RFX3: variants seen among roughly 807,000 people sequenced by gnomAD.
The protein encoded by RFX3 is transcription factor RFX3.
RFX3 carries 14 observed loss-of-function variants against 98.6 expected under a neutral mutation model. The observed-to-expected ratio is 0.14, with a 90% confidence interval of 0.09 to 0.22. The LOEUF is 0.22. RFX3 is among the 10% of genes least tolerant of loss of function. The pLI, the probability that RFX3 is intolerant of heterozygous loss-of-function variation, is 1.00. For synonymous variants in RFX3, 383 were observed against 328.4 expected, an observed-to-expected ratio of 1.17 and a Z score of -1.80; for missense variants, 639 against 926.9, an observed-to-expected ratio of 0.69 and a Z score of 4.03.
intron 3 of RFX3, among the ~76,000 whole-genome samples, chr9:3,344,414 C>G (rs1834214553): frequency 6.6e-6 from 1 of 152,090 alleles, no homozygotes; most frequent in Non-Finnish European, 1.5e-5. Context: ...TGAGTACTTC[C>G]CTTGAGCATT....
At chr9:3,270,174 G>A (rs1824245262) in intron 11 of RFX3, among the ~76,000 whole-genome samples, 197 bp downstream of exon 11, 1 of 150,838 alleles carries the variant, frequency 6.6e-6, no homozygotes, top group Non-Finnish European at 1.5e-5. Flanking sequence ...AAGAAAGACT[G>A]AAAAATAGAT....
chr9:3,417,657 TAAATTTGGGTGAAG>T (rs1843095797), intron 1 of RFX3, among the ~76,000 whole-genome samples: 2 of 152,150 alleles, frequency 1.3e-5, no homozygotes, highest in South Asian at 4.1e-4. Context: ...ACCCCCTCAA[TAAATTTGGGTGAAG>T]AACAAAAGAA....
At chr9:3,421,236 C>G (rs1335921493) in intron 1 of RFX3, among the ~76,000 whole-genome samples, 1 of 152,242 alleles carries the variant, frequency 6.6e-6, no homozygotes, top group South Asian at 2.1e-4. Context: ...ACAGTACGTT[C>G]TGAACTCAAA....
chr9:3,253,013 G>A (rs981451431), intron 14 of RFX3, among the ~76,000 whole-genome samples: 1 of 152,160 alleles, frequency 6.6e-6, no homozygotes, highest in Non-Finnish European at 1.5e-5. Context: ...CCTATTGTCC[G>A]ATTCAGACTT....
chr9:3,270,981 T>G, intron 10 of RFX3, 22 bp downstream of exon 10: 1 of 1,613,624 alleles, frequency 6.2e-7, no homozygotes, highest in South Asian at 1.1e-5. Context: ...GAAAATGAAT[T>G]GGAAAAGATG....
At chr9:3,403,958 T>C (rs1036960587) in intron 1 of RFX3, among the ~76,000 whole-genome samples, 1 of 152,184 alleles carries the variant, frequency 6.6e-6, no homozygotes, top group Admixed American at 6.6e-5. Context: ...AATTTTTTTC[T>C]CTCATCTCTT....
chr9:3,399,232 C>T (rs998837257), intron 1 of RFX3, among the ~76,000 whole-genome samples: 11 of 145,470 alleles, frequency 7.6e-5, no homozygotes, highest in African/African-American at 2.8e-4. Flanking sequence ...GTCAGGAGTT[C>T]AAGACCACCC....
intron 1 of RFX3, among the ~76,000 whole-genome samples, chr9:3,514,371 A>C (rs1403237804): frequency 1.3e-5 from 2 of 152,232 alleles, no homozygotes; most frequent in African/African-American, 2.4e-5. Context: ...AAAACACATT[A>C]AGTTAAACTC....
intron 1 of RFX3, among the ~76,000 whole-genome samples, chr9:3,429,596 C>A (rs747573204): frequency 2.0e-4 from 30 of 152,036 alleles, no homozygotes; most frequent in Non-Finnish European, 3.5e-4. Flanking sequence ...TCCCTCTAGG[C>A]TCCTGGAGGT....
intron 1 of RFX3, among the ~76,000 whole-genome samples, chr9:3,488,522 T>C (rs553617484): frequency 1.4e-4 from 21 of 152,256 alleles, no homozygotes; most frequent in Admixed American, 1.4e-3. Context: ...TTGAGAAATA[T>C]AATAAAACTG....
intron 1 of RFX3, among the ~76,000 whole-genome samples, chr9:3,493,443 G>C (rs919715817): frequency 2.6e-5 from 4 of 151,930 alleles, no homozygotes; most frequent in African/African-American, 7.3e-5. Flanking sequence ...CCAGCACTTT[G>C]GGAGGCCGAG....
chr9:3,274,247 G>A (rs573006881), intron 9 of RFX3, among the ~76,000 whole-genome samples: 7 of 152,198 alleles, frequency 4.6e-5, no homozygotes, highest in East Asian at 3.9e-4. Flanking sequence ...TTCTGGTGTC[G>A]GGGAAAATGT....
intron 15 of RFX3, among the ~76,000 whole-genome samples, chr9:3,241,481 G>A (rs544174681): frequency 6.1e-4 from 93 of 152,300 alleles, no homozygotes; most frequent in African/African-American, 2.2e-3. Flanking sequence ...AGGGATCCCA[G>A]AGAGAAAGAA....
chr9:3,234,103 A>G (rs1361821227), intron 15 of RFX3, among the ~76,000 whole-genome samples: 1 of 152,178 alleles, frequency 6.6e-6, no homozygotes, highest in African/African-American at 2.4e-5. Flanking sequence ...CAAGTCTAAT[A>G]TCACTATGTT....
chr9:3,504,857 G>GATATAATATATATTATATATATTAT (rs1816641028), intron 1 of RFX3, among the ~76,000 whole-genome samples: 1 of 25,786 alleles, frequency 3.9e-5, no homozygotes, highest in Non-Finnish European at 9.4e-5. Flanking sequence ...TATTATATAT[G>GATATAATATATATTATATATATTAT]ATATAATATA....
chr9:3,301,868 T>C (rs78571456), intron 4 of RFX3, among the ~76,000 whole-genome samples: 2,743 of 151,984 alleles, frequency 0.018, 80 homozygotes, highest in African/African-American at 0.062. Context: ...ATAATCAGAA[T>C]GGAGACCTGA....
Position 3,505,223 on chromosome 9 carries a change from TATATATGA to T in RFX3, c.-9+20516_-9+20523del, listed in dbSNP as rs1564186745. ...ATTTATATATATATGAATATATATT[TATATATGA>T]ATATATATTTATATATATATGAATA... On this transcript the variant is annotated intron_variant, in intron 1 of 16. Transcript: ENST00000617270. 2.6e-3 allele frequency among the ~76,000 whole-genome samples: 115 copies of T among 44,212 alleles called. 1 individual carries two copies. Among genetic ancestry groups the T allele is most frequent in the African/African-American group, 0.017 (97 of 5,860 alleles). The allele number at this position is 44,212 out of a possible 152,430, so 29.0% of individuals were successfully genotyped here.
At chr9:3,354,270 C>T (rs1334711723) in intron 2 of RFX3, among the ~76,000 whole-genome samples, 5 of 151,672 alleles carry the variant, frequency 3.3e-5, no homozygotes, top group African/African-American at 7.3e-5. Context: ...ATGATAAACA[C>T]GAACAGAAGA....
At chr9:3,344,436 C>G (rs548244967) in intron 3 of RFX3, among the ~76,000 whole-genome samples, 34 of 152,164 alleles carry the variant, frequency 2.2e-4, no homozygotes, top group Admixed American at 2.0e-3. Flanking sequence ...TGTTGGTGCT[C>G]AAAAAGTTTC....
Sources: gnomAD v4.1 joint callset for allele counts (sites outside exome capture counted in the v4.1 genomes callset) on GRCh38, gnomAD v4.1.1 for gene constraint, MANE v1.5 for transcripts, NCBI Gene and HGNC (gene_info 2026-07-23, HGNC 2026-07-21) for gene names.